GPD2: variants seen among roughly 807,000 people sequenced by gnomAD.
GPD2 encodes the protein glycerol-3-phosphate dehydrogenase, mitochondrial.
GPD2 carries 54 observed loss-of-function variants against 82.4 expected under a neutral mutation model. That is an observed-to-expected ratio of 0.66 (90% CI 0.53 to 0.82). The LOEUF is 0.82. Ranked by LOEUF, GPD2 falls within the 40% of genes least tolerant of loss-of-function variation. GPD2 has a pLI of 0.00. For missense variants in GPD2, 748 were observed against 896.2 expected (o/e 0.83, Z 2.11); for synonymous variants, 288 against 306.1 (o/e 0.94, Z 0.62).
chr2:156,527,927 G>T (rs974015925), intron 6 of GPD2, among the ~76,000 whole-genome samples: 12 of 152,096 alleles, frequency 7.9e-5, no homozygotes, highest in African/African-American at 2.9e-4. Context: ...AAAGGTAACT[G>T]AGAAGCAGCT....
intron 2 of GPD2, among the ~76,000 whole-genome samples, chr2:156,485,522 G>A (rs1037777153): frequency 4.6e-5 from 7 of 152,172 alleles, no homozygotes; most frequent in Non-Finnish European, 1.0e-4. Flanking sequence ...CAATGTAGGC[G>A]AGTTGTAAAT....
At chr2:156,559,178 G>A (rs761439161) in intron 9 of GPD2, among the ~76,000 whole-genome samples, 6 of 151,958 alleles carry the variant, frequency 3.9e-5, no homozygotes, top group Admixed American at 6.6e-5. Flanking sequence ...TGGTCATATC[G>A]TTTGTATATC....
At chr2:156,401,233 T>G in the GPD2 span, among the ~76,000 whole-genome samples, 3 of 152,234 alleles carry the variant, frequency 2.0e-5, no homozygotes, top group East Asian at 3.8e-4. Context: ...GCAAATGTGC[T>G]TTTCTATTGC....
At chr2:156,405,314 A>G in the GPD2 span, among the ~76,000 whole-genome samples, 1 of 152,200 alleles carries the variant, frequency 6.6e-6, no homozygotes, top group African/African-American at 2.4e-5. Context: ...AGTAAGTAGG[A>G]AGAGGTGCCT....
intron 5 of GPD2, among the ~76,000 whole-genome samples, chr2:156,513,099 C>T (rs910669063): frequency 2.0e-5 from 3 of 152,098 alleles, no homozygotes; most frequent in Non-Finnish European, 4.4e-5. Context: ...TAATATTCAG[C>T]CAGTTTGAGA....
At chr2:156,558,465 C>A (rs1432073491) in intron 9 of GPD2, among the ~76,000 whole-genome samples, 1 of 152,180 alleles carries the variant, frequency 6.6e-6, no homozygotes, top group Non-Finnish European at 1.5e-5. Context: ...CCAGTCTAAT[C>A]CTTCTACCAG....
upstream of GPD2, among the ~76,000 whole-genome samples, chr2:156,433,217 C>G (rs1168692467): frequency 6.6e-6 from 1 of 152,308 alleles, no homozygotes. Flanking sequence ...ACAGCCCATT[C>G]CCAAAGCAGA....
At chr2:156,495,722 A>C (rs1684345870) in intron 2 of GPD2, 1 of 390,538 alleles carries the variant, frequency 2.6e-6, no homozygotes, top group African/African-American at 2.1e-5. Flanking sequence ...TCCCTTATAA[A>C]TTGCCTTAGA....
At chr2:156,567,220 A>G (rs1211325054) in intron 9 of GPD2, among the ~76,000 whole-genome samples, 1 of 151,522 alleles carries the variant, frequency 6.6e-6, no homozygotes, top group African/African-American at 2.4e-5. Context: ...TGTTTTATCT[A>G]TTTTTTTCTT....
the GPD2 span, among the ~76,000 whole-genome samples, chr2:156,426,083 C>T: frequency 6.6e-6 from 1 of 152,080 alleles, no homozygotes; most frequent in African/African-American, 2.4e-5. Context: ...ACCACCACGC[C>T]AGGCTAATTT....
intron 1 of GPD2, among the ~76,000 whole-genome samples, chr2:156,459,767 C>A (rs1682927511): frequency 1.3e-5 from 2 of 149,618 alleles, no homozygotes; most frequent in Admixed American, 6.7e-5. Context: ...CATTGAAGTC[C>A]AGGGAAGTCT....
At chr2:156,517,800 T>C (rs989534095) in intron 6 of GPD2, among the ~76,000 whole-genome samples, 11 of 152,210 alleles carry the variant, frequency 7.2e-5, no homozygotes, top group South Asian at 2.1e-4. Flanking sequence ...TTTGTGGCTA[T>C]TCTAGTTAGA....
At chr2:156,562,108 T>C (rs1409133095) in intron 9 of GPD2, among the ~76,000 whole-genome samples, 1 of 152,220 alleles carries the variant, frequency 6.6e-6, no homozygotes, top group African/African-American at 2.4e-5. Context: ...GTGACAAAAC[T>C]AAGCTATGAC....
Position 156,582,925 on chromosome 2 carries a change from G to A in GPD2, c.*7G>A. 1 of 1,612,570 alleles carries A rather than the reference G, an allele frequency of 6.2e-7. No homozygotes were observed. The highest frequency in any genetic ancestry group is 8.5e-7 in the Non-Finnish European group (1 of 1,178,918). On this transcript the variant is annotated 3_prime_UTR_variant, in exon 17 of 17. Coordinates refer to ENST00000438166, the MANE Select transcript of GPD2 (RefSeq NM_000408.5). Reference sequence around the variant, plus strand: ...TAGTTGTGGAGGATTGTGAGTCTGGGCAGTAAATCCACAGCCAACAAACAT... The same window carrying A: ...TAGTTGTGGAGGATTGTGAGTCTGGACAGTAAATCCACAGCCAACAAACAT...
intron 1 of GPD2, among the ~76,000 whole-genome samples, chr2:156,460,387 G>C (rs917203962): frequency 6.6e-6 from 1 of 152,074 alleles, no homozygotes; most frequent in African/African-American, 2.4e-5. Flanking sequence ...TCCAATAGGG[G>C]GAAAATTATG....
chr2:156,532,821 CATTTGATATAG>C (rs1357925721), intron 6 of GPD2, among the ~76,000 whole-genome samples: 1 of 152,186 alleles, frequency 6.6e-6, no homozygotes, highest in African/African-American at 2.4e-5. Flanking sequence ...CTGTGACCCA[CATTTGATATAG>C]AAATCATGAT....
chr2:156,567,380 TATAAG>T (rs1348968228), intron 9 of GPD2, among the ~76,000 whole-genome samples: 2 of 152,106 alleles, frequency 1.3e-5, no homozygotes, highest in Non-Finnish European at 2.9e-5. Context: ...TTGTATACGA[TATAAG>T]ATAAGGGTCC....
At chr2:156,509,765 C>CTTTTT (rs60361072) in intron 3 of GPD2, among the ~76,000 whole-genome samples, 29,916 of 117,020 alleles carry the variant, frequency 0.26, 5,287 homozygotes, top group East Asian at 0.54. Flanking sequence ...ATATGTTCTT[C>CTTTTT]TTTTTTTTTT....
chr2:156,422,973 T>C, the GPD2 span, among the ~76,000 whole-genome samples: 7 of 152,178 alleles, frequency 4.6e-5, no homozygotes, highest in African/African-American at 1.7e-4. Context: ...TGAATAAATA[T>C]TTGTTAGGTG....
Sources: gnomAD v4.1 joint callset for allele counts (sites outside exome capture counted in the v4.1 genomes callset) on GRCh38, gnomAD v4.1.1 for gene constraint, MANE v1.5 for transcripts, NCBI Gene and HGNC (gene_info 2026-07-23, HGNC 2026-07-21) for gene names.